The following MTF2 variants were observed in gnomAD, a reference collection of about 807,000 sequenced individuals.
MTF2 encodes the protein metal response element binding transcription factor 2, also known as metal-response element-binding transcription factor 2.
MTF2 carries 11 observed loss-of-function variants against 79.5 expected under a neutral mutation model. That is an observed-to-expected ratio of 0.14 (90% CI 0.09 to 0.23). The LOEUF (loss-of-function observed/expected upper bound fraction) is 0.23. MTF2 is among the 10% of genes least tolerant of loss of function. The pLI is 1.00. For synonymous variants in MTF2, 208 were observed against 232.8 expected, an observed-to-expected ratio of 0.89 and a Z score of 0.97; for missense variants, 486 against 711.2, an observed-to-expected ratio of 0.68 and a Z score of 3.60.
At chr1:93,121,206 A>C (rs913441851) in intron 9 of MTF2, 3 of 975,376 alleles carry the variant, frequency 3.1e-6, no homozygotes, top group East Asian at 2.3e-4. Context: ...TCATTTTTGA[A>C]GTGTAACTAC....
intron 9 of MTF2, among the ~76,000 whole-genome samples, chr1:93,122,743 C>T (rs1166368501): frequency 2.6e-5 from 4 of 152,136 alleles, no homozygotes; most frequent in Non-Finnish European, 5.9e-5. Context: ...TTAGATGAGA[C>T]ATCTCATTCA....
chr1:93,122,091 T>A (rs1034704570), intron 9 of MTF2, among the ~76,000 whole-genome samples: 9 of 152,196 alleles, frequency 5.9e-5, no homozygotes, highest in Non-Finnish European at 1.2e-4. Flanking sequence ...CATGAGCCAC[T>A]GGGCATGGCC....
chr1:93,093,853 G>A (rs773220464), intron 1 of MTF2, among the ~76,000 whole-genome samples: 85 of 152,164 alleles, frequency 5.6e-4, no homozygotes, highest in Non-Finnish European at 1.0e-3. Flanking sequence ...GACTACAGGA[G>A]TGTGCCACTG....
At chr1:93,133,642 A>G in intron 11 of MTF2, 61 bp from the exon 12 acceptor site, 1 of 1,091,368 alleles carries the variant, frequency 9.2e-7, no homozygotes, top group South Asian at 1.5e-5. Context: ...TTACATACAT[A>G]GAGTCAATGT....
intron 1 of MTF2, 104 bp from the exon 2 acceptor site, chr1:93,110,126 G>A: frequency 8.8e-7 from 1 of 1,136,146 alleles, no homozygotes; most frequent in South Asian, 1.5e-5. Context: ...TTGTCTTAAG[G>A]TTTTTAACAA....
chr1:93,094,697 A>C (rs1187394522), intron 1 of MTF2, among the ~76,000 whole-genome samples: 3 of 151,950 alleles, frequency 2.0e-5, no homozygotes, highest in Non-Finnish European at 2.9e-5. Context: ...GGGGTGGGCA[A>C]GACTATTTCA....
chr1:93,106,859 A>G (rs1300610629), intron 1 of MTF2, among the ~76,000 whole-genome samples: 1 of 152,180 alleles, frequency 6.6e-6, no homozygotes, highest in African/African-American at 2.4e-5. Flanking sequence ...TAATAGAGTT[A>G]TTCCCATACT....
At chr1:93,121,482 T>C (rs974517151) in intron 9 of MTF2, 5 of 983,058 alleles carry the variant, frequency 5.1e-6, no homozygotes, top group Non-Finnish European at 6.0e-6. Flanking sequence ...TTTTGCACAC[T>C]GATTTGAAGT....
rs114960641 is a variant in MTF2, at chr1:93,087,038, A to C, written c.5+7507A>C. ...GCTTATTTTTTCGTTCGGGACACTG[A>C]ATAAACTGTGTTGTGCCACCTGCGT... On this transcript the variant is annotated intron_variant, in intron 1 of 14. Transcript: ENST00000370298. Among the ~76,000 whole-genome samples, 643 of 152,302 alleles carry C rather than the reference A, an allele frequency of 4.2e-3. 1 individual carries two copies. Among genetic ancestry groups the C allele is most frequent in the Non-Finnish European group, 7.0e-3 (479 of 68,028 alleles).
At chr1:93,085,368 G>A (rs558807625) in intron 1 of MTF2, among the ~76,000 whole-genome samples, 6 of 151,606 alleles carry the variant, frequency 4.0e-5, no homozygotes, top group South Asian at 2.1e-4. Context: ...TAGTAGAGAC[G>A]GGGTTTCACC....
At chr1:93,109,508 A>G (rs542148259) in intron 1 of MTF2, among the ~76,000 whole-genome samples, 2 of 151,852 alleles carry the variant, frequency 1.3e-5, no homozygotes, top group South Asian at 2.1e-4. Context: ...TAATCTTTGT[A>G]TTTTTTAGTA....
intron 3 of MTF2, among the ~76,000 whole-genome samples, chr1:93,111,553 A>G (rs1023422686): frequency 6.6e-6 from 1 of 152,152 alleles, no homozygotes; most frequent in Admixed American, 6.5e-5. Flanking sequence ...AGTTTTGGTA[A>G]AGGAATTGGA....
intron 1 of MTF2, among the ~76,000 whole-genome samples, chr1:93,094,781 CA>C (rs1407529249): frequency 1.3e-5 from 2 of 152,154 alleles, no homozygotes; most frequent in Non-Finnish European, 2.9e-5. Context: ...TACTGATGCT[CA>C]GTGCATAGAT....
intron 9 of MTF2, among the ~76,000 whole-genome samples, chr1:93,123,056 A>G (rs1188752383): frequency 6.6e-6 from 1 of 152,084 alleles, no homozygotes; most frequent in African/African-American, 2.4e-5. Flanking sequence ...TTAGGTTAAC[A>G]AAAATTTACT....
Position 93,110,565 on chromosome 1 carries a change from C to T in MTF2, c.225C>T (p.Ser75=), listed in dbSNP as rs1376850684. Residue 75 remains serine, a synonymous_variant, in exon 3 of 15, where the codon AGC becomes AGT. Transcript: ENST00000370298. ...TGCAGATAAACATATTGAAACAGAGCTGCTTCATCATATTTGAAGACAGTT... is the reference window on the plus strand; with the variant it reads ...TGCAGATAAACATATTGAAACAGAGTTGCTTCATCATATTTGAAGACAGTT... ...TIKKINILKQ[S]CFIIFEDSSK... 61 of 1,613,466 alleles carry T rather than the reference C, an allele frequency of 3.8e-5. No homozygotes were observed. Among genetic ancestry groups the T allele is most frequent in the Non-Finnish European group, 5.0e-5 (59 of 1,179,512 alleles).
chr1:93,138,164 C>G lies in MTF2; in HGVS notation c.*1137C>G, dbSNP rs1647475135. The G allele has an allele frequency of 6.6e-6, 1 of 152,068 alleles. No homozygotes were observed. Among genetic ancestry groups the G allele is most frequent in the Non-Finnish European group, 1.5e-5 (1 of 67,976 alleles). 9.4% of individuals were successfully genotyped at this position (152,068 alleles called of 1,614,324 possible). On this transcript the variant is annotated 3_prime_UTR_variant, in exon 15 of 15. Coordinates refer to ENST00000370298, the MANE Select transcript of MTF2 (RefSeq NM_007358.4). Reference sequence around the variant, plus strand: ...TACTGCTGTTTTATTACAACATTACCTCTTGTTTTTATAAAGTGTACCAAG... The same window carrying G: ...TACTGCTGTTTTATTACAACATTACGTCTTGTTTTTATAAAGTGTACCAAG...
At chr1:93,115,159 A>G in intron 5 of MTF2, 71 bp downstream of exon 5, 1 of 1,169,352 alleles carries the variant, frequency 8.6e-7, no homozygotes, top group Non-Finnish European at 1.2e-6. Flanking sequence ...ATGATTGTGT[A>G]CACTGAAAGT....
intron 11 of MTF2, among the ~76,000 whole-genome samples, chr1:93,131,520 A>G (rs1010646955): frequency 6.6e-6 from 1 of 152,164 alleles, no homozygotes; most frequent in African/African-American, 2.4e-5. Flanking sequence ...CAAAATAATA[A>G]CAGTAGTAAA....
chr1:93,089,447 G>A (rs187971280), intron 1 of MTF2, among the ~76,000 whole-genome samples: 1 of 152,140 alleles, frequency 6.6e-6, no homozygotes, highest in East Asian at 1.9e-4. Flanking sequence ...TAGAGTTCCA[G>A]TGATGAGCAA....
Sources: gnomAD v4.1 joint callset for allele counts (sites outside exome capture counted in the v4.1 genomes callset) on GRCh38, gnomAD v4.1.1 for gene constraint, MANE v1.5 for transcripts, NCBI Gene and HGNC (gene_info 2026-07-23, HGNC 2026-07-21) for gene names.